ARHGAP15: variants seen among roughly 807,000 people sequenced by gnomAD.
ARHGAP15 encodes Rho GTPase activating protein 15.
ARHGAP15 carries 51 observed loss-of-function variants against 63.7 expected under a neutral mutation model. That is an observed-to-expected ratio of 0.80 (90% CI 0.64 to 1.01). The LOEUF is 1.01. ARHGAP15 is among the 50% of genes least tolerant of loss of function. The pLI is 0.00. For synonymous variants in ARHGAP15, 191 were observed against 193.8 expected, an observed-to-expected ratio of 0.99 and a Z score of 0.12; for missense variants, 560 against 564.6, an observed-to-expected ratio of 0.99 and a Z score of 0.08.
At chr2:143,233,922 G>T (rs969822805) in intron 5 of ARHGAP15, among the ~76,000 whole-genome samples, 3 of 152,088 alleles carry the variant, frequency 2.0e-5, no homozygotes, top group African/African-American at 7.2e-5. Flanking sequence ...TGGGATTACA[G>T]GTGTCAGCCA....
rs150387573 is a variant in ARHGAP15, at chr2:143,652,979, T to C, written c.1138+28712T>C. 4.2e-4 allele frequency among the ~76,000 whole-genome samples: 64 copies of C among 152,196 alleles called. No homozygotes were observed. In the East Asian group the frequency reaches 0.012, roughly 29 times the overall value. ...ATGAGAGTGGACATTTCTGTCCTGT[T>C]CTCTTCTTTAGATGGAAAGCATTCA... On this transcript the variant is annotated intron_variant, in intron 12 of 13. Coordinates refer to ENST00000295095, the MANE Select transcript of ARHGAP15 (RefSeq NM_018460.4).
chr2:143,420,724 A>G (rs939765416), intron 6 of ARHGAP15, among the ~76,000 whole-genome samples: 8 of 152,166 alleles, frequency 5.3e-5, no homozygotes, highest in African/African-American at 1.9e-4. Context: ...GCCTGATGTC[A>G]TGGGAGCATA....
At chr2:143,272,561 G>A (rs1466779632) in intron 6 of ARHGAP15, among the ~76,000 whole-genome samples, 1 of 152,156 alleles carries the variant, frequency 6.6e-6, no homozygotes, top group Non-Finnish European at 1.5e-5. Context: ...GCTGAGGCAG[G>A]AGAATTGCTT....
intron 9 of ARHGAP15, among the ~76,000 whole-genome samples, chr2:143,501,694 A>G (rs1378233545): frequency 6.6e-6 from 1 of 152,244 alleles, no homozygotes; most frequent in African/African-American, 2.4e-5. Context: ...GAAAAATAAC[A>G]TTGGTTAGAA....
intron 6 of ARHGAP15, among the ~76,000 whole-genome samples, chr2:143,343,614 G>T (rs916725864): frequency 9.9e-5 from 15 of 152,022 alleles, no homozygotes; most frequent in Non-Finnish European, 1.5e-4. Context: ...GTTAATGAAT[G>T]ATTTCTCAAC....
chr2:143,321,917 A>T (rs1230941212), intron 6 of ARHGAP15, among the ~76,000 whole-genome samples: 1 of 152,158 alleles, frequency 6.6e-6, no homozygotes. Context: ...GCCTCAAGCA[A>T]TCCTCCTGCC....
At chr2:143,259,774 T>C (rs1011823955) in intron 6 of ARHGAP15, among the ~76,000 whole-genome samples, 1 of 152,180 alleles carries the variant, frequency 6.6e-6, no homozygotes, top group African/African-American at 2.4e-5. Flanking sequence ...TACTTGGATA[T>C]CTTTTGTCCT....
intron 13 of ARHGAP15, among the ~76,000 whole-genome samples, chr2:143,724,396 G>A (rs139544894): frequency 1.3e-5 from 2 of 152,262 alleles, no homozygotes; most frequent in East Asian, 3.9e-4. Context: ...AATCATCGAA[G>A]AGACAAAGTT....
rs1361621740 is a variant in ARHGAP15, at chr2:143,236,051, A to G, written c.384+7383A>G. On this transcript the variant is annotated intron_variant, in intron 5 of 13. Coordinates refer to ENST00000295095, the MANE Select transcript of ARHGAP15 (RefSeq NM_018460.4). ...CCATTTGATGGATTGCATCATAGAG[A>G]AGAAGCTCTGCAATTTAGAACATCC... 2.0e-6 allele frequency: 3 copies of G among 1,488,734 alleles called. No individual in the cohort carries two copies. In the African/African-American group the frequency reaches 4.3e-5, roughly 21 times the overall value. 92.2% of individuals were successfully genotyped at this position (1,488,734 alleles called of 1,614,324 possible). A position where few individuals can be genotyped will look rare whatever the true frequency, so the allele number is the denominator to read the frequency against.
chr2:143,446,934 C>T (rs1263371076), intron 8 of ARHGAP15, among the ~76,000 whole-genome samples: 2 of 152,018 alleles, frequency 1.3e-5, no homozygotes, highest in Non-Finnish European at 2.9e-5. Context: ...CAATTTCATC[C>T]ATGTCCCTAC....
intron 10 of ARHGAP15, among the ~76,000 whole-genome samples, chr2:143,542,941 A>G (rs920610251): frequency 4.7e-5 from 7 of 149,176 alleles, no homozygotes; most frequent in Admixed American, 2.7e-4. Flanking sequence ...TTATCATTCA[A>G]CCATTGATGG....
intron 11 of ARHGAP15, among the ~76,000 whole-genome samples, chr2:143,569,345 AGAT>A (rs1696364086): frequency 6.6e-6 from 1 of 152,234 alleles, no homozygotes; most frequent in African/African-American, 2.4e-5. Flanking sequence ...AGATAATTTC[AGAT>A]GATATCAGAA....
At chr2:143,513,450 C>G (rs916299158) in intron 9 of ARHGAP15, among the ~76,000 whole-genome samples, 4 of 152,110 alleles carry the variant, frequency 2.6e-5, no homozygotes, top group Non-Finnish European at 1.5e-5. Flanking sequence ...CTAAGTAGTC[C>G]CCATATGCTA....
chr2:143,750,880 G>C (rs574971190), intron 13 of ARHGAP15, among the ~76,000 whole-genome samples: 1 of 152,286 alleles, frequency 6.6e-6, no homozygotes, highest in African/African-American at 2.4e-5. Flanking sequence ...CAGATATAGC[G>C]TGATGATTTT....
intron 11 of ARHGAP15, among the ~76,000 whole-genome samples, chr2:143,572,311 C>T (rs190417031): frequency 3.5e-4 from 53 of 152,280 alleles, no homozygotes; most frequent in Non-Finnish European, 6.6e-4. Flanking sequence ...CTTCATTTCA[C>T]CCCTGTCCTC....
chr2:143,424,902 T>C (rs1689079081), intron 6 of ARHGAP15, among the ~76,000 whole-genome samples: 1 of 152,126 alleles, frequency 6.6e-6, no homozygotes, highest in Non-Finnish European at 1.5e-5. Context: ...ACTAGGCACC[T>C]AAATGGTTAT....
intron 6 of ARHGAP15, among the ~76,000 whole-genome samples, chr2:143,283,743 A>G (rs1351564957): frequency 6.6e-6 from 1 of 152,174 alleles, no homozygotes; most frequent in Non-Finnish European, 1.5e-5. Flanking sequence ...ATGTTTCAGT[A>G]GATTTCATCA....
intron 10 of ARHGAP15, among the ~76,000 whole-genome samples, chr2:143,536,820 G>C (rs1307171708): frequency 6.6e-6 from 1 of 151,830 alleles, no homozygotes; most frequent in African/African-American, 2.4e-5. Flanking sequence ...TGTGAATAGT[G>C]CCGCAATAAA....
Position 143,699,075 on chromosome 2 carries a change from T to G in ARHGAP15, c.1139-4344T>G, listed in dbSNP as rs374701263. Among the ~76,000 whole-genome samples, 40 of 152,296 alleles carry G rather than the reference T, an allele frequency of 2.6e-4. 1 individual carries two copies. Among genetic ancestry groups the G allele is most frequent in the African/African-American group, 9.6e-4 (40 of 41,582 alleles). On this transcript the variant is annotated intron_variant, in intron 12 of 13. Transcript: ENST00000295095. Reference sequence around the variant, plus strand: ...TGAATCTTAGCTCATTAACCACTCCTGTATTATGTATGCTGATTCCAATTC... The same window carrying G: ...TGAATCTTAGCTCATTAACCACTCCGGTATTATGTATGCTGATTCCAATTC...
Sources: allele counts gnomAD v4.1 joint callset (sites outside exome capture counted in the v4.1 genomes callset), GRCh38; gene constraint gnomAD v4.1.1; transcripts MANE v1.5; gene names NCBI Gene and HGNC (gene_info 2026-07-23, HGNC 2026-07-21).